Variants in SLC44A5 observed in about 807,000 individuals in gnomAD.
SLC44A5 encodes the protein solute carrier family 44 member 5, also known as choline transporter-like protein 5.
In SLC44A5, 57 loss-of-function variants were observed where a neutral mutation model predicts 101.8. That is an observed-to-expected ratio of 0.56 (90% CI 0.45 to 0.70). SLC44A5 has a LOEUF of 0.70. Ranked by LOEUF, SLC44A5 falls within the 30% of genes least tolerant of loss-of-function variation. SLC44A5 has a pLI of 0.00. For synonymous variants in SLC44A5, 281 were observed against 290.9 expected, an observed-to-expected ratio of 0.97 and a Z score of 0.35; for missense variants, 737 against 853.1, an observed-to-expected ratio of 0.86 and a Z score of 1.70.
At chr1:75,672,066 T>A in the SLC44A5 span, among the ~76,000 whole-genome samples, 1 of 152,240 alleles carries the variant, frequency 6.6e-6, no homozygotes, top group African/African-American at 2.4e-5. Context: ...AAAAAGCACC[T>A]TCATAAGAAC....
intron 2 of SLC44A5, among the ~76,000 whole-genome samples, chr1:75,421,924 C>T (rs1204636115): frequency 6.6e-6 from 1 of 150,718 alleles, no homozygotes; most frequent in Non-Finnish European, 1.5e-5. Flanking sequence ...GTCCATATAT[C>T]AAGAATTGTC....
intron 1 of SLC44A5, among the ~76,000 whole-genome samples, chr1:75,609,817 A>G (rs907920263): frequency 1.3e-5 from 2 of 152,090 alleles, no homozygotes; most frequent in Admixed American, 6.6e-5. Flanking sequence ...AACCACAGGT[A>G]TATTCATGAT....
chr1:75,300,745 G>T, intron 4 of SLC44A5, 60 bp from the exon 5 acceptor site: 3 of 1,093,524 alleles, frequency 2.7e-6, no homozygotes, highest in Non-Finnish European at 3.9e-6. Context: ...CCTGTTTCCT[G>T]CACAAAATGA....
chr1:75,641,798 A>T, the SLC44A5 span: 1 of 1,541,270 alleles, frequency 6.5e-7, no homozygotes, highest in Admixed American at 1.7e-5. Flanking sequence ...CAAAGAAAAA[A>T]GACAATCACA....
intron 2 of SLC44A5, among the ~76,000 whole-genome samples, chr1:75,447,114 T>A (rs1488161065): frequency 6.6e-6 from 1 of 152,212 alleles, no homozygotes; most frequent in Non-Finnish European, 1.5e-5. Context: ...CTACGAAAGC[T>A]TTTGTTAATC....
intron 4 of SLC44A5, among the ~76,000 whole-genome samples, chr1:75,319,150 T>A (rs991773514): frequency 6.6e-6 from 1 of 152,170 alleles, no homozygotes; most frequent in Non-Finnish European, 1.5e-5. Flanking sequence ...TAGCTCCATA[T>A]GATTCTGTAA....
chr1:75,462,613 G>A (rs936588257), intron 2 of SLC44A5, among the ~76,000 whole-genome samples: 3 of 151,958 alleles, frequency 2.0e-5, no homozygotes, highest in Non-Finnish European at 2.9e-5. Flanking sequence ...GCTGTTTTGA[G>A]GAAATGCAAT....
chr1:75,598,094 G>GAA (rs535936307), intron 1 of SLC44A5, among the ~76,000 whole-genome samples: 1 of 149,476 alleles, frequency 6.7e-6, no homozygotes, highest in Admixed American at 6.7e-5. Flanking sequence ...AAATGTACAA[G>GAA]AAAAAAAAAC....
chr1:75,702,963 C>A, the SLC44A5 span, among the ~76,000 whole-genome samples: 1 of 151,922 alleles, frequency 6.6e-6, no homozygotes, highest in Non-Finnish European at 1.5e-5. Flanking sequence ...CAATGAGATA[C>A]CACCTCACAC....
chr1:75,245,191 C>T (rs192191494), intron 7 of SLC44A5, among the ~76,000 whole-genome samples: 1 of 152,232 alleles, frequency 6.6e-6, no homozygotes, highest in Admixed American at 6.5e-5. Context: ...TCCACATCCA[C>T]ACCTCCACAT....
At chr1:75,211,105 T>G (rs1227521884) in intron 23 of SLC44A5, among the ~76,000 whole-genome samples, 2 of 152,178 alleles carry the variant, frequency 1.3e-5, no homozygotes, top group African/African-American at 4.8e-5. Context: ...GCTGTACATG[T>G]GAGTGCCATA....
chr1:75,613,438 C>A (rs1675741790), upstream of SLC44A5, among the ~76,000 whole-genome samples: 1 of 152,216 alleles, frequency 6.6e-6, no homozygotes, highest in Non-Finnish European at 1.5e-5. Flanking sequence ...CAATAGATTA[C>A]AACTTTCTGG....
the SLC44A5 span, among the ~76,000 whole-genome samples, chr1:75,619,569 CAA>C: frequency 6.6e-6 from 1 of 152,070 alleles, no homozygotes; most frequent in South Asian, 2.1e-4. Flanking sequence ...AACAAAAACA[CAA>C]ACACAAAAAA....
At chr1:75,599,818 G>A (rs116360393) in intron 1 of SLC44A5, among the ~76,000 whole-genome samples, 3 of 152,230 alleles carry the variant, frequency 2.0e-5, no homozygotes, top group African/African-American at 7.2e-5. Flanking sequence ...GAATTAGGGT[G>A]AATGTGGGAA....
At chr1:75,531,047 G>A (rs114682586) in intron 2 of SLC44A5, among the ~76,000 whole-genome samples, 10 of 152,144 alleles carry the variant, frequency 6.6e-5, no homozygotes, top group Non-Finnish European at 1.5e-4. Flanking sequence ...ATGGCCTATT[G>A]CAGCTTTATC....
intron 1 of SLC44A5, among the ~76,000 whole-genome samples, chr1:75,576,534 G>T (rs1355485985): frequency 6.6e-6 from 1 of 152,032 alleles, no homozygotes; most frequent in African/African-American, 2.4e-5. Flanking sequence ...TAGCCAGGAT[G>T]GTCTCGATCT....
intron 2 of SLC44A5, among the ~76,000 whole-genome samples, chr1:75,488,127 C>G (rs914393423): frequency 1.3e-5 from 2 of 152,176 alleles, no homozygotes; most frequent in African/African-American, 4.8e-5. Flanking sequence ...CTCAGGCCTC[C>G]CACTGATTCT....
intron 2 of SLC44A5, among the ~76,000 whole-genome samples, chr1:75,489,499 G>A (rs895160987): frequency 2.0e-5 from 3 of 152,160 alleles, no homozygotes; most frequent in African/African-American, 7.2e-5. Context: ...TTGTTTGGTT[G>A]GTTGTTTTTA....
At chr1:75,392,655 T>C (rs888665102) in intron 3 of SLC44A5, among the ~76,000 whole-genome samples, 2 of 152,152 alleles carry the variant, frequency 1.3e-5, no homozygotes, top group African/African-American at 4.8e-5. Flanking sequence ...TTGCTTGGTA[T>C]ATATCCAAAG....
Sources: gnomAD v4.1 joint callset for allele counts (sites outside exome capture counted in the v4.1 genomes callset) on GRCh38, gnomAD v4.1.1 for gene constraint, MANE v1.5 for transcripts, NCBI Gene and HGNC (gene_info 2026-07-23, HGNC 2026-07-21) for gene names.